Variants in REPS2 observed in about 807,000 individuals in gnomAD.
REPS2 encodes RALBP1 associated Eps domain containing 2.
REPS2 carries 23 observed loss-of-function variants against 53.6 expected under a neutral mutation model. That is an observed-to-expected ratio of 0.43 (90% confidence interval 0.31 to 0.61). The LOEUF is 0.61. Ranked by LOEUF, REPS2 falls within the 20% of genes least tolerant of loss-of-function variation. The pLI is 0.11. For synonymous variants in REPS2, 238 were observed against 218.6 expected, an observed-to-expected ratio of 1.09 and a Z score of -0.78; for missense variants, 446 against 534.9, an observed-to-expected ratio of 0.83 and a Z score of 1.64.
chrX:17,128,297 A>G (rs1334784150), intron 14 of REPS2, among the ~76,000 whole-genome samples: 2 of 111,133 alleles, frequency 1.8e-5, no homozygotes, highest in African/African-American at 6.6e-5. Context: ...GGCCTGATCC[A>G]CACAGGCAGG....
At chrX:17,173,916 C>T in the REPS2 span, among the ~76,000 whole-genome samples, 3 of 110,770 alleles carry the variant, frequency 2.7e-5, no homozygotes, top group East Asian at 5.7e-4. Context: ...TCAATTTCCC[C>T]GGGTGGTGTA....
chrX:17,050,202 T>TTCTTTC (rs1569148733), intron 6 of REPS2, among the ~76,000 whole-genome samples: 2 of 24,225 alleles, frequency 8.3e-5, no homozygotes, highest in African/African-American at 1.5e-4. Flanking sequence ...TTCTTTTTTT[T>TTCTTTC]TTTTTTTTGA....
intron 4 of REPS2, among the ~76,000 whole-genome samples, chrX:17,026,835 TG>T (rs2061651407): frequency 8.9e-6 from 1 of 112,092 alleles, no homozygotes; most frequent in African/African-American, 3.2e-5. Context: ...TCACTCAGGC[TG>T]GAGTGCACTG....
At chrX:16,999,079 C>G (rs2061267223) in intron 1 of REPS2, among the ~76,000 whole-genome samples, 1 of 112,184 alleles carries the variant, frequency 8.9e-6, no homozygotes, top group African/African-American at 3.2e-5. Flanking sequence ...ACAGATATGG[C>G]AAATGTCCAC....
Position 16,946,982 on chromosome X carries a change from C to T in REPS2, c.121C>T (p.Leu41Phe). The T allele has an allele frequency of 1.1e-6, 1 of 925,733 alleles. No homozygotes were observed. Among genetic ancestry groups the T allele is most frequent in the Non-Finnish European group, 1.3e-6 (1 of 749,632 alleles). 76.3% of individuals were successfully genotyped at this position (925,733 alleles called of 1,213,427 possible). A position where few individuals can be genotyped will look rare whatever the true frequency, so the allele number is the denominator to read the frequency against. Residue 41 changes from leucine to phenylalanine, a missense_variant, in exon 1 of 18, where the codon CTC (leucine) becomes TTC (phenylalanine). Coordinates refer to ENST00000357277, the MANE Select transcript of REPS2 (RefSeq NM_004726.3). ...SEGEQQCYSE[L>F]FARCAGAAGG... ...GGGCGAGCAGCAGTGCTACTCCGAG[C>T]TCTTCGCGCGCTGTGCCGGCGCCGC... is the stretch of plus-strand genomic sequence containing the variant.
chrX:17,043,516 G>A lies in REPS2; in HGVS notation c.772-3831G>A, dbSNP rs1448785863. Among the ~76,000 whole-genome samples the A allele has an allele frequency of 9.2e-5, 8 of 86,628 alleles. No individual in the cohort carries two copies. The East Asian group carries it at 2.3e-3, about 25-fold the overall frequency. 75.2% of individuals were successfully genotyped at this position (86,628 alleles called of 115,157 possible). A position where few individuals can be genotyped will look rare whatever the true frequency, so the allele number is the denominator to read the frequency against. On this transcript the variant is annotated intron_variant, in intron 5 of 17. Coordinates refer to ENST00000357277, the MANE Select transcript of REPS2 (RefSeq NM_004726.3). ...TGCAGCCTTTCTTGCCCCCCCCCCC[G>A]GCTTTGTGTCCTTTCTGTACCTACC...
intron 2 of REPS2, among the ~76,000 whole-genome samples, chrX:17,018,212 CTT>C (rs200578522): frequency 2.2e-5 from 2 of 92,295 alleles, no homozygotes; most frequent in African/African-American, 8.3e-5. Context: ...TGGCAACTGC[CTT>C]TTTTTTTTTT....
At chrX:16,988,239 C>G (rs1435243373) in intron 1 of REPS2, among the ~76,000 whole-genome samples, 1 of 111,686 alleles carries the variant, frequency 9.0e-6, no homozygotes, top group African/African-American at 3.3e-5. Context: ...GACTGTATCA[C>G]TGCATTCTAG....
intron 4 of REPS2, among the ~76,000 whole-genome samples, chrX:17,028,249 G>A (rs930403530): frequency 4.5e-5 from 5 of 111,430 alleles, no homozygotes; most frequent in African/African-American, 9.8e-5. Flanking sequence ...GCTCATGACT[G>A]CTAGCACCCC....
At chrX:17,078,793 G>A (rs1053542121) in intron 13 of REPS2, among the ~76,000 whole-genome samples, 1 of 112,246 alleles carries the variant, frequency 8.9e-6, no homozygotes, top group Non-Finnish European at 1.9e-5. Flanking sequence ...TGGTTTTTAC[G>A]ACACTGCATC....
intron 6 of REPS2, among the ~76,000 whole-genome samples, chrX:17,050,156 T>TCC (rs2061966542): frequency 1.6e-4 from 6 of 38,471 alleles, no homozygotes; most frequent in African/African-American, 7.0e-4. Flanking sequence ...CTTTCTTTCT[T>TCC]TCTTTCTTTC....
intron 13 of REPS2, among the ~76,000 whole-genome samples, chrX:17,093,779 C>CT (rs35491027): frequency 0.38 from 39,467 of 103,783 alleles, 6,061 homozygotes; most frequent in East Asian, 0.81. Flanking sequence ...TAGTAAATTA[C>CT]TTTTTTTTTT....
At chrX:17,061,803 A>G (rs890302909) in intron 8 of REPS2, among the ~76,000 whole-genome samples, 2 of 112,299 alleles carry the variant, frequency 1.8e-5, no homozygotes, top group Non-Finnish European at 3.8e-5. Flanking sequence ...GTGTGAATTC[A>G]CTCAACTACC....
At position 17,147,437 on chromosome X, in the gene REPS2, T is replaced by C. The variant is rs764958791; in HGVS notation, c.1939T>C (p.Leu647=). 6 of 1,208,241 alleles carry C rather than the reference T, an allele frequency of 5.0e-6. No homozygotes were observed. The South Asian group carries it at 1.1e-4, about 21-fold the overall frequency. Residue 647 remains leucine, a synonymous_variant, in exon 18 of 18, where the codon TTG becomes CTG. Coordinates refer to ENST00000357277, the MANE Select transcript of REPS2 (RefSeq NM_004726.3). ...LKEVHQERIA[L]ENQLEQLRPV... ...GGAGGTTCATCAAGAACGAATTGCA[T>C]TGGAAAACCAATTGGAACAACTTCG...
At chrX:16,953,094 AAAAC>A (rs1422802686) in intron 1 of REPS2, among the ~76,000 whole-genome samples, 205 of 101,246 alleles carry the variant, frequency 2.0e-3, no homozygotes, top group Non-Finnish European at 3.5e-3. Context: ...AACAAACCAA[AAAAC>A]AAACACACAC....
intron 9 of REPS2, among the ~76,000 whole-genome samples, chrX:17,063,000 G>A (rs1796798900): frequency 8.9e-6 from 1 of 112,030 alleles, no homozygotes; most frequent in African/African-American, 3.2e-5. Context: ...AACTCCCTCA[G>A]GGTTTTTAGC....
chrX:17,155,907 C>G (rs1390542843), downstream of REPS2, among the ~76,000 whole-genome samples: 5 of 111,417 alleles, frequency 4.5e-5, no homozygotes, highest in African/African-American at 1.6e-4. Flanking sequence ...CTGAGAGGTG[C>G]AGGACTCCCT....
the REPS2 span, among the ~76,000 whole-genome samples, chrX:17,179,572 G>A: frequency 2.7e-5 from 3 of 111,878 alleles, no homozygotes; most frequent in Non-Finnish European, 5.6e-5. Flanking sequence ...TGAAAACAGA[G>A]ATGATCCATC....
chrX:16,963,137 T>C, intron 1 of REPS2, among the ~76,000 whole-genome samples: 1 of 112,003 alleles, frequency 8.9e-6, no homozygotes, highest in East Asian at 2.8e-4. Flanking sequence ...TGTATGTGTA[T>C]ATGTATACGT....
Sources: allele counts gnomAD v4.1 joint callset (sites outside exome capture counted in the v4.1 genomes callset), GRCh38; gene constraint gnomAD v4.1.1; transcripts MANE v1.5; gene names NCBI Gene and HGNC (gene_info 2026-07-23, HGNC 2026-07-21).